Variants in HECTD2 observed in about 807,000 individuals in gnomAD.
HECTD2 encodes HECT domain E3 ubiquitin protein ligase 2.
In HECTD2, 35 loss-of-function variants were observed where a neutral mutation model predicts 103.2. That is an observed-to-expected ratio of 0.34 (90% CI 0.26 to 0.45). The LOEUF (loss-of-function observed/expected upper bound fraction) is 0.45, where lower values mean the gene tolerates loss of function less well. Among genes scored for constraint, HECTD2 ranks in the 20% least tolerant of loss-of-function variants. The probability of loss-of-function intolerance (pLI) is 1.00; values close to 1 mark genes in which losing one functional copy is unlikely to be tolerated. For missense variants in HECTD2, 596 were observed against 937.4 expected (o/e 0.64, Z 4.76); for synonymous variants, 281 against 329.9 (o/e 0.85, Z 1.61).
chr10:91,454,407 ATAAT>A (rs1844976711), intron 2 of HECTD2, among the ~76,000 whole-genome samples: 1 of 152,156 alleles, frequency 6.6e-6, no homozygotes, highest in Admixed American at 6.6e-5. Flanking sequence ...CAACTTCCAA[ATAAT>A]TCATTGGTCA....
At chr10:91,468,954 A>AG (rs1386011159) in intron 5 of HECTD2, among the ~76,000 whole-genome samples, 1 of 151,736 alleles carries the variant, frequency 6.6e-6, no homozygotes, top group African/African-American at 2.4e-5. Context: ...AAAAAAAAAA[A>AG]AAACAAGAGT....
intron 10 of HECTD2, chr10:91,486,260 G>A (rs775081497): frequency 6.6e-6 from 1 of 152,112 alleles, no homozygotes; most frequent in African/African-American, 2.4e-5. Flanking sequence ...AACTGAATAA[G>A]AATAAGAATT....
In HECTD2 at chr10:91,507,366, C is replaced by T. The variant is rs1167669917; in HGVS notation, c.2211-4898C>T. The stretch of plus-strand genomic sequence containing the variant: ...GTTTGCAGATGACATGATTGTATAT[C>T]TAGAAAACCCCATTGTCTCAGCCCA... On this transcript the variant is annotated intron_variant, in intron 20 of 20. Coordinates refer to ENST00000298068, the MANE Select transcript of HECTD2 (RefSeq NM_182765.6). Among the ~76,000 whole-genome samples the T allele has an allele frequency of 2.6e-5, 4 of 151,472 alleles. No individual in the cohort carries two copies. In the East Asian group the frequency reaches 7.8e-4, roughly 29 times the overall value.
intron 12 of HECTD2, among the ~76,000 whole-genome samples, chr10:91,492,110 TAC>T (rs1846504519): frequency 6.6e-6 from 1 of 152,182 alleles, no homozygotes; most frequent in Non-Finnish European, 1.5e-5. Flanking sequence ...AGGCAGTAGA[TAC>T]CAGGAGGTAG....
intron 5 of HECTD2, among the ~76,000 whole-genome samples, chr10:91,471,397 T>C (rs1366935897): frequency 1.3e-5 from 2 of 152,182 alleles, no homozygotes; most frequent in Non-Finnish European, 2.9e-5. Flanking sequence ...AGTCTTCCTC[T>C]TGACAACAGC....
chr10:91,463,186 A>G (rs911929065), intron 5 of HECTD2: 1 of 152,152 alleles, frequency 6.6e-6, no homozygotes, highest in African/African-American at 2.4e-5. Context: ...TACTGATAAC[A>G]TAAACAGTCA....
intron 2 of HECTD2, among the ~76,000 whole-genome samples, chr10:91,441,678 T>C (rs1433721966): frequency 6.0e-5 from 2 of 33,610 alleles, no homozygotes; most frequent in Non-Finnish European, 9.9e-5. Context: ...AGTCTCCCAC[T>C]ATCATTGTGT....
chr10:91,458,045 A>C (rs1845186435), intron 2 of HECTD2, among the ~76,000 whole-genome samples: 1 of 151,134 alleles, frequency 6.6e-6, no homozygotes, highest in African/African-American at 2.4e-5. Context: ...AAACCCATGA[A>C]ATCTCAAAAA....
In HECTD2 at chr10:91,487,365, G is replaced by T. The variant is rs116295758; in HGVS notation, c.1095-317G>T. ...ACCAACACTTCTCCCTCCTGGTTCT[G>T]GTATTGGCCATGTTGTTCACAGGTG... On this transcript the variant is annotated intron_variant, in intron 10 of 20. Transcript: ENST00000298068. The surrounding 1 kb of genome is among the most constrained non-coding windows in gnomAD (Gnocchi z 4.1). 1,497 of 299,144 alleles carry T rather than the reference G, an allele frequency of 5.0e-3. 25 individuals are homozygous for T. Among genetic ancestry groups the T allele is most frequent in the African/African-American group, 0.031 (1,423 of 46,654 alleles). The allele number at this position is 299,144 out of a possible 1,614,324, so 18.5% of individuals were successfully genotyped here. A position where few individuals can be genotyped will look rare whatever the true frequency, so the allele number is the denominator to read the frequency against.
At chr10:91,462,827 T>C in intron 5 of HECTD2, 1 of 910,750 alleles carries the variant, frequency 1.1e-6, no homozygotes, top group Non-Finnish European at 1.3e-6. Context: ...TTGTGAAAAA[T>C]TGACATCTTT....
At chr10:91,419,077 G>A (rs1386643817) in intron 1 of HECTD2, among the ~76,000 whole-genome samples, 2 of 152,062 alleles carry the variant, frequency 1.3e-5, no homozygotes, top group East Asian at 3.9e-4. Flanking sequence ...TTTCGTGATG[G>A]AACAGCCAGC....
chr10:91,411,590 A>G (rs1476939655), intron 1 of HECTD2, among the ~76,000 whole-genome samples: 1 of 152,244 alleles, frequency 6.6e-6, no homozygotes, highest in African/African-American at 2.4e-5. Context: ...TTCGTTAAGT[A>G]CTGTATTGGT....
In HECTD2 at chr10:91,480,757, A is replaced by G. The variant is rs1195551596; in HGVS notation, c.666-337A>G. Among the ~76,000 whole-genome samples, 3 of 152,086 alleles carry G rather than the reference A, an allele frequency of 2.0e-5. No homozygotes were observed. The East Asian group carries it at 5.8e-4, about 29-fold the overall frequency. On this transcript the variant is annotated intron_variant, in intron 6 of 20. Coordinates refer to ENST00000298068, the MANE Select transcript of HECTD2 (RefSeq NM_182765.6). ...TTTCTTTAATACATAAATGTTCTTA[A>G]GTAAAGATTATCCTTTATTAAAACA... is the stretch of plus-strand genomic sequence containing the variant.
intron 2 of HECTD2, among the ~76,000 whole-genome samples, chr10:91,444,569 C>T (rs369899157): frequency 1.6e-4 from 24 of 152,194 alleles, no homozygotes; most frequent in East Asian, 7.7e-4. Context: ...CTACAGGATG[C>T]GACATTCAGC....
intron 11 of HECTD2, chr10:91,489,294 T>A (rs1296893141): frequency 6.6e-6 from 1 of 152,176 alleles, no homozygotes; most frequent in Non-Finnish European, 1.5e-5. Context: ...TATGGGTGTT[T>A]CCCAACATTT....
intron 1 of HECTD2, among the ~76,000 whole-genome samples, chr10:91,414,565 A>C (rs1004036716): frequency 6.6e-6 from 1 of 152,240 alleles, no homozygotes; most frequent in Non-Finnish European, 1.5e-5. Context: ...CAATATGTAA[A>C]AACCACAATG....
At chr10:91,412,456 T>G (rs889768251) in intron 1 of HECTD2, among the ~76,000 whole-genome samples, 2 of 99,518 alleles carry the variant, frequency 2.0e-5, no homozygotes, top group African/African-American at 2.8e-4. Flanking sequence ...AACTTGAGGG[T>G]TTTTTTTTTT....
intron 2 of HECTD2, among the ~76,000 whole-genome samples, chr10:91,458,516 C>G (rs1210856014): frequency 6.6e-6 from 1 of 151,908 alleles, no homozygotes; most frequent in African/African-American, 2.4e-5. Flanking sequence ...AATCAGTCTA[C>G]CTGGTTTTTA....
At chr10:91,485,794 A>G (rs965077500) in intron 10 of HECTD2, 1 of 152,684 alleles carries the variant, frequency 6.5e-6, no homozygotes, top group Non-Finnish European at 1.5e-5. Flanking sequence ...TTGCAGATGC[A>G]TGATCTAATA....
Sources: gnomAD v4.1 joint callset for allele counts (sites outside exome capture counted in the v4.1 genomes callset) on GRCh38, gnomAD v4.1.1 for gene constraint, Gnocchi (gnomAD v3.1) non-coding constraint, MANE v1.5 for transcripts, NCBI Gene and HGNC (gene_info 2026-07-23, HGNC 2026-07-21) for gene names.